LARP1B: variants seen among roughly 807,000 people sequenced by gnomAD.
The protein encoded by LARP1B is La ribonucleoprotein 1B, also known as la-related protein 1B.
A neutral mutation model predicts 114.2 loss-of-function variants in LARP1B; 76 were observed. The ratio of observed to expected loss-of-function variants is 0.67; its 90% CI spans 0.55 to 0.81. LARP1B has a LOEUF of 0.81. Ranked by LOEUF, LARP1B falls within the 30% of genes least tolerant of loss-of-function variation. LARP1B has a pLI of 0.00. For missense variants in LARP1B, 1,014 were observed against 1,075.8 expected (o/e 0.94, Z 0.80); for synonymous variants, 345 against 348.0 (o/e 0.99, Z 0.10).
chr4:128,147,925 T>G (rs1284910743), intron 11 of LARP1B, among the ~76,000 whole-genome samples: 1 of 152,230 alleles, frequency 6.6e-6, no homozygotes, highest in Non-Finnish European at 1.5e-5. Context: ...TTACAACTTT[T>G]TTTTGAAATT....
At chr4:128,066,165 CTTTTTTTT>C (rs59927866) in intron 1 of LARP1B, among the ~76,000 whole-genome samples, 7 of 99,188 alleles carry the variant, frequency 7.1e-5, no homozygotes, top group Non-Finnish European at 1.3e-4. Context: ...TTTCTTTCTT[CTTTTTTTT>C]TTTTTTTTTT....
At chr4:128,133,085 A>C (rs1468754093) in intron 11 of LARP1B, among the ~76,000 whole-genome samples, 1 of 152,196 alleles carries the variant, frequency 6.6e-6, no homozygotes, top group East Asian at 1.9e-4. Context: ...TGAGAGCGAT[A>C]GGGAGCAGCT....
At chr4:128,083,986 G>A (rs1772126917) in intron 5 of LARP1B, among the ~76,000 whole-genome samples, 2 of 152,066 alleles carry the variant, frequency 1.3e-5, no homozygotes, top group Admixed American at 6.5e-5. Context: ...CTTCTCAGAC[G>A]GGGTGGCTGG....
intron 8 of LARP1B, among the ~76,000 whole-genome samples, chr4:128,105,606 A>G (rs1023817699): frequency 2.0e-5 from 3 of 152,338 alleles, no homozygotes; most frequent in East Asian, 1.9e-4. Context: ...GGAATCCCCA[A>G]TTATGGCCAG....
intron 11 of LARP1B, chr4:128,123,158 T>C (rs1788541074): frequency 2.0e-6 from 2 of 985,286 alleles, no homozygotes; most frequent in Non-Finnish European, 2.4e-6. Context: ...TCCTCATTTC[T>C]TTTCTTCCTG....
At chr4:128,078,325 G>A (rs1258412553) in intron 4 of LARP1B, among the ~76,000 whole-genome samples, 1 of 152,058 alleles carries the variant, frequency 6.6e-6, no homozygotes, top group Non-Finnish European at 1.5e-5. Flanking sequence ...TAAGAGAAAA[G>A]TGAGAATAGG....
chr4:128,150,191 T>C (rs1423605976), intron 11 of LARP1B, among the ~76,000 whole-genome samples: 1 of 151,982 alleles, frequency 6.6e-6, no homozygotes, highest in Non-Finnish European at 1.5e-5. Flanking sequence ...GGTGTGGTTA[T>C]TATATATAGT....
chr4:128,084,936 T>C (rs974400357), intron 5 of LARP1B, among the ~76,000 whole-genome samples: 3 of 151,726 alleles, frequency 2.0e-5, no homozygotes, highest in African/African-American at 7.3e-5. Flanking sequence ...TGATCTGGGC[T>C]CACTGCAACC....
At chr4:128,133,811 C>T (rs954764809) in intron 11 of LARP1B, among the ~76,000 whole-genome samples, 1 of 152,138 alleles carries the variant, frequency 6.6e-6, no homozygotes, top group African/African-American at 2.4e-5. Context: ...ATTCTCCTGC[C>T]TCAGCCTCTC....
chr4:128,086,119 T>C (rs1279106628), intron 5 of LARP1B, among the ~76,000 whole-genome samples: 1 of 149,876 alleles, frequency 6.7e-6, no homozygotes, highest in Non-Finnish European at 1.5e-5. Flanking sequence ...GTTCACGCCA[T>C]TCACCCACTG....
At chr4:128,090,789 A>G (rs987030065) in intron 5 of LARP1B, among the ~76,000 whole-genome samples, 21 of 152,086 alleles carry the variant, frequency 1.4e-4, no homozygotes, top group Non-Finnish European at 1.5e-5. Flanking sequence ...TGTATTCTTC[A>G]TGTGTCAGTA....
chr4:128,083,878 G>A (rs545592669), intron 5 of LARP1B, among the ~76,000 whole-genome samples: 7 of 151,718 alleles, frequency 4.6e-5, no homozygotes, highest in Middle Eastern at 3.4e-3. Flanking sequence ...GGTGGCTGCC[G>A]GGCAGAGGGG....
chr4:128,108,964 G>A (rs1002667240), intron 9 of LARP1B: 2 of 353,004 alleles, frequency 5.7e-6, no homozygotes, highest in South Asian at 1.2e-4. Context: ...CATATTGTCT[G>A]AAACAAGCCA....
chr4:128,084,265 A>G (rs1443726524), intron 5 of LARP1B, among the ~76,000 whole-genome samples: 1 of 152,130 alleles, frequency 6.6e-6, no homozygotes, highest in African/African-American at 2.4e-5. Context: ...TGGGAGGCCA[A>G]GGCAGGCGGC....
At position 128,098,767 on chromosome 4, in the gene LARP1B, ATTTTTTTTTTTTTT is replaced by A. The variant is rs869184167; in HGVS notation, c.813+452_813+465del. Among the ~76,000 whole-genome samples the A allele has an allele frequency of 5.4e-4, 19 of 35,024 alleles. 2 individuals carry two copies. The highest frequency in any genetic ancestry group is 4.7e-3 in the Admixed American group (10 of 2,136). 23.0% of individuals were successfully genotyped at this position (35,024 alleles called of 152,430 possible). ...TATGTGTATATATATATATATATAT[ATTTTTTTTTTTTTT>A]TTTTTTTTTTTTTTAAGACAGTGTC... On this transcript the variant is annotated intron_variant, in intron 8 of 19. Transcript: ENST00000326639.
chr4:128,100,663 T>C (rs563152221), intron 8 of LARP1B, among the ~76,000 whole-genome samples: 2 of 152,338 alleles, frequency 1.3e-5, no homozygotes, highest in South Asian at 4.1e-4. Flanking sequence ...TTAGTGGAAA[T>C]GTCTGTTCAG....
chr4:128,202,900 T>C (rs553588979), intron 17 of LARP1B, among the ~76,000 whole-genome samples: 2 of 152,264 alleles, frequency 1.3e-5, no homozygotes, highest in South Asian at 4.1e-4. Flanking sequence ...TTTAGGTTCT[T>C]TATAAAAAGT....
exon 7 of LARP1B, chr4:128,220,427 CTT>C (rs1759925642): frequency 1.3e-6 from 1 of 787,906 alleles, no homozygotes; most frequent in East Asian, 1.3e-4. Context: ...GATCTGTAGA[CTT>C]TTGACAGGAA....
chr4:128,178,977 A>G (rs539844655), intron 14 of LARP1B, among the ~76,000 whole-genome samples: 4 of 152,248 alleles, frequency 2.6e-5, no homozygotes, highest in Admixed American at 1.3e-4. Context: ...CTGTAGTCCC[A>G]GCTACTTGGG....
Sources: allele counts gnomAD v4.1 joint callset (sites outside exome capture counted in the v4.1 genomes callset), GRCh38; gene constraint gnomAD v4.1.1; transcripts MANE v1.5; gene names NCBI Gene and HGNC (gene_info 2026-07-23, HGNC 2026-07-21).